The following HPSE2 variants were observed in gnomAD, a reference collection of about 807,000 sequenced individuals.
HPSE2 encodes the protein inactive heparanase-2.
A neutral mutation model predicts 60.5 loss-of-function variants in HPSE2; 38 were observed. The observed-to-expected ratio is 0.63, with a 90% CI of 0.48 to 0.82. The LOEUF is 0.82. HPSE2 is among the 40% of genes least tolerant of loss of function. The probability of loss-of-function intolerance (pLI) is 0.00; values close to 1 mark genes in which losing one functional copy is unlikely to be tolerated. For missense variants in HPSE2, 713 were observed against 740.4 expected, an observed-to-expected ratio of 0.96 and a Z score of 0.43; for synonymous variants, 295 against 293.2, an observed-to-expected ratio of 1.01 and a Z score of -0.06.
intron 2 of HPSE2, among the ~76,000 whole-genome samples, chr10:99,155,994 A>G (rs1376293483): frequency 8.6e-5 from 13 of 151,094 alleles, no homozygotes; most frequent in African/African-American, 2.9e-4. Flanking sequence ...AAACTAGAAA[A>G]TCTAGAAGAA....
At chr10:99,030,457 C>A (rs1957474884) in intron 3 of HPSE2, among the ~76,000 whole-genome samples, 1 of 152,128 alleles carries the variant, frequency 6.6e-6, no homozygotes, top group African/African-American at 2.4e-5. Flanking sequence ...TAATCTCGCC[C>A]CAGTCAAAAT....
intron 3 of HPSE2, among the ~76,000 whole-genome samples, chr10:98,953,090 G>T (rs1955411968): frequency 6.6e-6 from 1 of 152,134 alleles, no homozygotes; most frequent in Non-Finnish European, 1.5e-5. Context: ...TGAGACTGTT[G>T]CATAGTTGAA....
In HPSE2 at chr10:98,941,697, A is replaced by C. The variant is rs1404412868; in HGVS notation, c.611-197641T>G. ...TCAATGCCATCCCCATCAAGCTACCAATGACTTTCTTCACAGAATTGGAAA... is the reference window on the plus strand; with the variant it reads ...TCAATGCCATCCCCATCAAGCTACCCATGACTTTCTTCACAGAATTGGAAA... On this transcript the variant is annotated intron_variant, in intron 3 of 11. Transcript: ENST00000370552. Among the ~76,000 whole-genome samples the C allele has an allele frequency of 1.8e-4, 25 of 135,318 alleles. 1 individual carries two copies. The Admixed American group carries it at 1.9e-3, about 10-fold the overall frequency. The allele number at this position is 135,318 out of a possible 152,430, so 88.8% of individuals were successfully genotyped here.
At chr10:98,710,348 C>T (rs1483902054) in intron 5 of HPSE2, among the ~76,000 whole-genome samples, 3 of 152,108 alleles carry the variant, frequency 2.0e-5, no homozygotes, top group African/African-American at 7.2e-5. Context: ...AATAATATCA[C>T]ATTGGCAGTG....
intron 4 of HPSE2, among the ~76,000 whole-genome samples, chr10:98,722,906 G>A (rs905960133): frequency 6.6e-6 from 1 of 152,178 alleles, no homozygotes; most frequent in African/African-American, 2.4e-5. Context: ...CATGTCATCT[G>A]CAAACAGGGA....
At chr10:98,795,007 G>GTC (rs1950743249) in intron 3 of HPSE2, among the ~76,000 whole-genome samples, 1 of 114,874 alleles carries the variant, frequency 8.7e-6, no homozygotes, top group Non-Finnish European at 1.9e-5. Flanking sequence ...GAGGGAGGAA[G>GTC]GAGAGAGAGA....
intron 3 of HPSE2, among the ~76,000 whole-genome samples, chr10:99,117,417 GAAAAAAAAAAAAAAAAAA>G (rs1157232317): frequency 8.1e-5 from 2 of 24,802 alleles, no homozygotes; most frequent in African/African-American, 5.2e-4. Context: ...TTGTTTTTTT[GAAAAAAAAAAAAAAAAAA>G]AAAAAAAAAA....
chr10:98,531,112 C>T (rs755040080), intron 9 of HPSE2, among the ~76,000 whole-genome samples: 2 of 152,108 alleles, frequency 1.3e-5, no homozygotes, highest in Non-Finnish European at 2.9e-5. Flanking sequence ...CATTTTATGC[C>T]CCAGTGGCAA....
chr10:98,556,436 A>G (rs1242337052), intron 9 of HPSE2, among the ~76,000 whole-genome samples: 1 of 152,242 alleles, frequency 6.6e-6, no homozygotes, highest in Non-Finnish European at 1.5e-5. Context: ...AATTCAAAAG[A>G]ATCTACAAAC....
chr10:99,267,982 C>T, the HPSE2 span, among the ~76,000 whole-genome samples: 4 of 152,184 alleles, frequency 2.6e-5, no homozygotes, highest in East Asian at 1.9e-4. Context: ...AAAAGATCAT[C>T]GCCTAGGCAC....
At chr10:98,842,561 T>C (rs1951941524) in intron 3 of HPSE2, among the ~76,000 whole-genome samples, 1 of 146,286 alleles carries the variant, frequency 6.8e-6, no homozygotes, top group Non-Finnish European at 1.5e-5. Context: ...AAAAAAGCAG[T>C]TTTGGACCCA....
chr10:98,885,747 T>C (rs1953146110), intron 3 of HPSE2, among the ~76,000 whole-genome samples: 1 of 152,246 alleles, frequency 6.6e-6, no homozygotes, highest in South Asian at 2.1e-4. Flanking sequence ...CTTAATACAC[T>C]ATAGTACAGT....
intron 3 of HPSE2, among the ~76,000 whole-genome samples, chr10:99,018,354 G>A (rs1337204327): frequency 6.6e-6 from 1 of 152,160 alleles, no homozygotes; most frequent in Non-Finnish European, 1.5e-5. Context: ...AGAGCAGTTG[G>A]AATTACAAGC....
At chr10:98,928,146 AAAAC>A (rs1253407775) in intron 3 of HPSE2, among the ~76,000 whole-genome samples, 7 of 149,088 alleles carry the variant, frequency 4.7e-5, no homozygotes, top group African/African-American at 1.2e-4. Context: ...TTACAAGAAA[AAAAC>A]AAACAACCCC....
At chr10:98,979,208 G>A (rs1047702750) in intron 3 of HPSE2, among the ~76,000 whole-genome samples, 4 of 152,064 alleles carry the variant, frequency 2.6e-5, no homozygotes, top group African/African-American at 7.2e-5. Context: ...CTTCAGGCAC[G>A]AGCTAGGGTA....
At chr10:98,834,449 C>T (rs888712013) in intron 3 of HPSE2, among the ~76,000 whole-genome samples, 1 of 152,110 alleles carries the variant, frequency 6.6e-6, no homozygotes, top group Admixed American at 6.6e-5. Context: ...TGAGGGGAAG[C>T]AGGTTTGCAT....
chr10:98,494,679 C>T (rs902705506), intron 9 of HPSE2, among the ~76,000 whole-genome samples: 2 of 152,204 alleles, frequency 1.3e-5, no homozygotes, highest in Non-Finnish European at 2.9e-5. Flanking sequence ...TCTCTTTTTA[C>T]ATCAATGGTT....
rs1269081752 is a variant in HPSE2 at position 98,734,910 on chromosome 10, C to CAT, written c.784+8972_784+8973insAT. Reference sequence around the variant, plus strand: ...CCTTACACACACACACACACACACACAAACACACACAAACACACACAATTT... The same window carrying CAT: ...CCTTACACACACACACACACACACACATAAACACACACAAACACACACAATTT... On this transcript the variant is annotated intron_variant, in intron 4 of 11. Transcript: ENST00000370552. Among the ~76,000 whole-genome samples the CAT allele has an allele frequency of 3.4e-3, 390 of 113,986 alleles. 3 individuals carry two copies. The highest frequency in any genetic ancestry group is 9.2e-3 in the African/African-American group (344 of 37,338). The allele number at this position is 113,986 out of a possible 152,430, so 74.8% of individuals were successfully genotyped here.
intron 2 of HPSE2, among the ~76,000 whole-genome samples, chr10:99,154,557 G>A (rs1210429789): frequency 6.6e-6 from 1 of 150,718 alleles, no homozygotes; most frequent in Non-Finnish European, 1.5e-5. Flanking sequence ...AATGCTGAGA[G>A]ATTTTGTCAC....
Sources: gnomAD v4.1 joint callset for allele counts (sites outside exome capture counted in the v4.1 genomes callset) on GRCh38, gnomAD v4.1.1 for gene constraint, MANE v1.5 for transcripts, NCBI Gene and HGNC (gene_info 2026-07-23, HGNC 2026-07-21) for gene names.